Variants in PDS5A observed in about 807,000 individuals in gnomAD.
The protein encoded by PDS5A is sister chromatid cohesion protein PDS5 homolog A.
A neutral mutation model predicts 167.1 loss-of-function variants in PDS5A; 42 were observed. The ratio of observed to expected loss-of-function variants is 0.25; its 90% confidence interval spans 0.20 to 0.33. The LOEUF (loss-of-function observed/expected upper bound fraction) is 0.33, where lower values mean the gene tolerates loss of function less well. PDS5A is among the 10% of genes least tolerant of loss of function. PDS5A has a pLI of 1.00. For synonymous variants in PDS5A, 553 were observed against 554.6 expected, an observed-to-expected ratio of 1.00 and a Z score of 0.04; for missense variants, 1,033 against 1,605.9, an observed-to-expected ratio of 0.64 and a Z score of 6.10.
At chr4:39,850,188 C>G (rs1162778372) in intron 26 of PDS5A, among the ~76,000 whole-genome samples, 1 of 151,110 alleles carries the variant, frequency 6.6e-6, no homozygotes, top group East Asian at 1.9e-4. Flanking sequence ...AGGAGAATGG[C>G]GTGAACCCAG....
chr4:39,953,627 A>G (rs1728621596), intron 2 of PDS5A, among the ~76,000 whole-genome samples: 1 of 152,082 alleles, frequency 6.6e-6, no homozygotes, highest in Admixed American at 6.6e-5. Context: ...ACTACTCAGG[A>G]GGCTGGGGCA....
At position 39,955,970 on chromosome 4, in the gene PDS5A, C is replaced by T. The variant is rs1054780438; in HGVS notation, c.138+20470G>A. Among the ~76,000 whole-genome samples, 10 of 151,824 alleles carry T rather than the reference C, an allele frequency of 6.6e-5. No homozygotes were observed. The South Asian group carries it at 2.1e-3, about 32-fold the overall frequency. ...TCTCTACTAAAAATACAAAAATTAG[C>T]CAGACATGGTGGTGGCACACACCTG... On this transcript the variant is annotated intron_variant, in intron 2 of 32. Coordinates refer to ENST00000303538, the MANE Select transcript of PDS5A (RefSeq NM_001100399.2).
At chr4:39,879,127 C>T (rs1261829976) in intron 18 of PDS5A, among the ~76,000 whole-genome samples, 1 of 152,150 alleles carries the variant, frequency 6.6e-6, no homozygotes, top group African/African-American at 2.4e-5. Context: ...TGTCTCTTCT[C>T]CTGTATGTCA....
chr4:39,931,585 T>C (rs1023159736), intron 2 of PDS5A, among the ~76,000 whole-genome samples: 10 of 152,178 alleles, frequency 6.6e-5, no homozygotes, highest in Admixed American at 2.0e-4. Flanking sequence ...CCACACTACA[T>C]GGGCCTTTCT....
chr4:39,846,527 A>C (rs1394773036), intron 28 of PDS5A: 1 of 152,232 alleles, frequency 6.6e-6, no homozygotes, highest in Non-Finnish European at 1.5e-5. Context: ...AACTGTCAAA[A>C]TACAATTAAG....
rs768200793 is a variant in PDS5A, at chr4:39,902,339, T to A, written c.1499+8A>T. On this transcript the variant is annotated splice_region_variant and intron_variant, in intron 13 of 32. Coordinates refer to ENST00000303538, the MANE Select transcript of PDS5A (RefSeq NM_001100399.2). ...GAAAATACAGCAGTTATTTGAAAAG[T>A]AACTTACTTTACAGCATTTGGATCC... is the stretch of plus-strand genomic sequence containing the variant. 8.0e-7 allele frequency: 1 copy of A among 1,242,624 alleles called. No individual in the cohort carries two copies. The highest frequency in any genetic ancestry group is 1.5e-5 in the African/African-American group (1 of 66,426). 77.0% of individuals were successfully genotyped at this position (1,242,624 alleles called of 1,614,324 possible).
chr4:39,893,040 A>G (rs1460922961), intron 16 of PDS5A, among the ~76,000 whole-genome samples: 1 of 152,232 alleles, frequency 6.6e-6, no homozygotes, highest in Non-Finnish European at 1.5e-5. Context: ...GAAAATACTG[A>G]GTAACTTACT....
intron 18 of PDS5A, among the ~76,000 whole-genome samples, chr4:39,877,819 C>A (rs577133142): frequency 4.6e-5 from 7 of 152,136 alleles, no homozygotes; most frequent in Admixed American, 6.5e-5. Context: ...GTTGCCCAGG[C>A]TGGTCTCCAA....
At position 39,838,115 on chromosome 4, in the gene PDS5A, G is replaced by T. The variant is rs1442993985; in HGVS notation, c.3751C>A (p.Gln1251Lys). ...TCATCTACTTTCTCATCTGTTTTTT[G>T]TTGGATATTCTCTGCACCAGCTGCT... The part of the protein sequence containing the change: ...VTAAGAENIQ[Q>K]KTDEKVDESG... The change falls in exon 32 of 33, where the codon CAA becomes AAA. Residue 1251 changes from glutamine (Q) to lysine (K), a missense_variant. Physicochemically the swap from Gln to Lys is moderately conservative, Grantham distance 53. Around this residue, in one of 4 missense-constraint regions of PDS5A, gnomAD observed 233 missense variants for 264.0 expected, o/e 0.88. Transcript: ENST00000303538. 1 of 1,613,784 alleles carries T rather than the reference G, an allele frequency of 6.2e-7. No individual in the cohort carries two copies. The highest frequency in any genetic ancestry group is 1.6e-4 in the Middle Eastern group (1 of 6,062).
At chr4:39,954,670 TAAAAAAAAAAAAA>T (rs777287409) in intron 2 of PDS5A, among the ~76,000 whole-genome samples, 1 of 48,280 alleles carries the variant, frequency 2.1e-5, no homozygotes, top group Non-Finnish European at 4.1e-5. Flanking sequence ...AAGAGATAAG[TAAAAAAAAAAAAA>T]AAAAAAAAAA....
rs144801976 is a variant in PDS5A, at chr4:39,918,239, T to G, written c.736-1051A>C. Among the ~76,000 whole-genome samples the G allele has an allele frequency of 6.3e-3, 953 of 150,816 alleles. 9 individuals are homozygous for G. Among genetic ancestry groups the G allele is most frequent in the African/African-American group, 0.021 (883 of 41,144 alleles). On this transcript the variant is annotated intron_variant, in intron 7 of 32. Transcript: ENST00000303538. ...TCCATGAGTTTAGTAATAAAGAGTA[T>G]TTAAAGCTGAAGGATTTTTTTTTGT... is the stretch of plus-strand genomic sequence containing the variant.
intron 2 of PDS5A, chr4:39,973,551 G>A (rs185486225): frequency 7.7e-7 from 1 of 1,301,336 alleles, no homozygotes; most frequent in East Asian, 2.3e-5. Context: ...CTAGTGCAAA[G>A]GCTATGATGG....
chr4:39,834,713 T>C lies in PDS5A; in HGVS notation c.4010+3143A>G, dbSNP rs1247495148. 2.0e-5 allele frequency among the ~76,000 whole-genome samples: 3 copies of C among 152,178 alleles called. No homozygotes were observed. The East Asian group carries it at 5.8e-4, about 29-fold the overall frequency. On this transcript the variant is annotated intron_variant, in intron 32 of 32. Transcript: ENST00000303538. ...AAAGTGTCTTGAAGTTGATGGAGCT[T>C]ATGTTGAGAAAGTTTCTATTTTTAT...
At chr4:39,896,234 G>A (rs73246261) in intron 16 of PDS5A, among the ~76,000 whole-genome samples, 10,850 of 150,966 alleles carry the variant, frequency 0.072, 484 homozygotes, top group Non-Finnish European at 0.1. Context: ...TTGTAGAGGC[G>A]GGGGTTTTGA....
intron 2 of PDS5A, among the ~76,000 whole-genome samples, chr4:39,930,242 AAAAAG>A (rs1444199801): frequency 4.7e-5 from 6 of 127,790 alleles, no homozygotes; most frequent in Admixed American, 7.9e-5. Flanking sequence ...AAAAAAAAAA[AAAAAG>A]TTTTTTTGTT....
intron 26 of PDS5A, among the ~76,000 whole-genome samples, chr4:39,861,768 C>A (rs1354121872): frequency 6.6e-6 from 1 of 152,030 alleles, no homozygotes; most frequent in Non-Finnish European, 1.5e-5. Context: ...ATTACGTGTA[C>A]CTCATAAATG....
At chr4:39,971,769 CTT>C (rs1730570324) in intron 2 of PDS5A, among the ~76,000 whole-genome samples, 2 of 152,176 alleles carry the variant, frequency 1.3e-5, no homozygotes, top group African/African-American at 4.8e-5. Flanking sequence ...CTTAAGCTCT[CTT>C]TGTGTTTGTA....
At chr4:39,833,999 G>T (rs1323874491) in intron 32 of PDS5A, among the ~76,000 whole-genome samples, 2 of 152,118 alleles carry the variant, frequency 1.3e-5, no homozygotes, top group African/African-American at 4.8e-5. Flanking sequence ...CTTATTCGAA[G>T]AACTGCAATA....
At chr4:39,926,343 AC>A (rs1725463513) in intron 4 of PDS5A, among the ~76,000 whole-genome samples, 1 of 151,974 alleles carries the variant, frequency 6.6e-6, no homozygotes, top group African/African-American at 2.4e-5. Context: ...ACATGGAGAA[AC>A]CCCGTCTCTA....
Sources: allele counts gnomAD v4.1 joint callset (sites outside exome capture counted in the v4.1 genomes callset), GRCh38; gene constraint gnomAD v4.1.1; regional missense constraint gnomAD v4.1.1; transcripts MANE v1.5; gene names NCBI Gene and HGNC (gene_info 2026-07-23, HGNC 2026-07-21).